Variants in SGIP1 observed in about 807,000 individuals in gnomAD.
SGIP1 encodes the protein SH3GL interacting endocytic adaptor 1, also known as SH3-containing GRB2-like protein 3-interacting protein 1.
In SGIP1, 38 loss-of-function variants were observed where a neutral mutation model predicts 107.5. The ratio of observed to expected loss-of-function variants is 0.35; its 90% CI spans 0.27 to 0.46. The LOEUF is 0.46. Among genes scored for constraint, SGIP1 ranks in the 20% least tolerant of loss-of-function variants. SGIP1 has a pLI of 1.00. For synonymous variants in SGIP1, 365 were observed against 366.1 expected (o/e 1.00, Z 0.03); for missense variants, 929 against 1,019.5 (o/e 0.91, Z 1.21).
intron 7 of SGIP1, among the ~76,000 whole-genome samples, chr1:66,655,362 C>T (rs545019979): frequency 6.6e-5 from 10 of 152,200 alleles, no homozygotes; most frequent in Admixed American, 4.6e-4. Context: ...GGAAGCCTAC[C>T]CTGCCCACCT....
chr1:66,587,158 C>T (rs992315700), intron 1 of SGIP1, among the ~76,000 whole-genome samples: 2 of 152,034 alleles, frequency 1.3e-5, no homozygotes, highest in Non-Finnish European at 2.9e-5. Flanking sequence ...TCAATCACAG[C>T]ATATATCATT....
At chr1:66,700,562 C>T (rs2091752948) in intron 18 of SGIP1, among the ~76,000 whole-genome samples, 1 of 152,010 alleles carries the variant, frequency 6.6e-6, no homozygotes, top group Non-Finnish European at 1.5e-5. Context: ...TTTTAGATGA[C>T]AGCTAATAAT....
Position 66,601,455 on chromosome 1 carries a change from C to T in SGIP1, c.11-24392C>T, listed in dbSNP as rs148278263. ...TTTATAGTGCTTCAGAAAACTTACA[C>T]AGTTTTCTCTGTCCATTATTTTTGT... On this transcript the variant is annotated intron_variant, in intron 1 of 24. Transcript: ENST00000371037. Among the ~76,000 whole-genome samples, 54 of 152,166 alleles carry T rather than the reference C, an allele frequency of 3.5e-4. 2 individuals are homozygous for T. The East Asian group carries it at 9.7e-3, about 27-fold the overall frequency.
Position 66,749,379 on chromosome 1 carries a change from G to T in SGIP1, c.*6284G>T, listed in dbSNP as rs572125087. The stretch of plus-strand genomic sequence containing the variant: ...AAAAACACTTTGGGGAAAGCTAAGA[G>T]CAGTGCACTGTTTAGCACAGATTTT... On this transcript the variant is annotated 3_prime_UTR_variant, in exon 25 of 25. Transcript: ENST00000371037. 6.6e-6 allele frequency among the ~76,000 whole-genome samples: 1 copy of T among 151,412 alleles called. No homozygotes were observed. Among genetic ancestry groups the T allele is most frequent in the Non-Finnish European group, 1.5e-5 (1 of 67,812 alleles).
Position 66,676,857 on chromosome 1 carries a change from G to GGAGC in SGIP1, c.647-146_647-143dup, listed in dbSNP as rs2149919777. 4.8e-6 allele frequency: 3 copies of GGAGC among 626,952 alleles called. No individual in the cohort carries two copies. The African/African-American group carries it at 5.5e-5, about 12-fold the overall frequency. The allele number at this position is 626,952 out of a possible 1,614,324, so 38.8% of individuals were successfully genotyped here. A position where few individuals can be genotyped will look rare whatever the true frequency, so the allele number is the denominator to read the frequency against. ...TCTATTCTCTGCTTGAAAAGAATAA[G>GGAGC]GAGCAGCACATTCCTAAGTTAATTT... On this transcript the variant is annotated intron_variant, in intron 12 of 24. Transcript: ENST00000371037.
At chr1:66,563,767 T>G (rs1016286214) in intron 1 of SGIP1, among the ~76,000 whole-genome samples, 3 of 152,000 alleles carry the variant, frequency 2.0e-5, no homozygotes, top group Non-Finnish European at 4.4e-5. Context: ...TGATCTCCCT[T>G]CTAACCAATG....
intron 1 of SGIP1, among the ~76,000 whole-genome samples, chr1:66,602,412 T>C (rs979542230): frequency 1.1e-4 from 16 of 152,140 alleles, no homozygotes; most frequent in Admixed American, 8.5e-4. Context: ...CCCTGCATGA[T>C]CCACATGTGA....
chr1:66,534,190 A>C lies in SGIP1; in HGVS notation c.-169A>C, dbSNP rs2053024646. 1 of 662,526 alleles carries C rather than the reference A, an allele frequency of 1.5e-6. No homozygotes were observed. The highest frequency in any genetic ancestry group is 1.9e-5 in the South Asian group (1 of 53,848). 41.0% of individuals were successfully genotyped at this position (662,526 alleles called of 1,614,324 possible). ...GCCTGCCTGTAGGTGAAGAAGCACC[A>C]GCAGCATCCATGGCCTGTCTTTTGG... is the stretch of plus-strand genomic sequence containing the variant. On this transcript the variant is annotated 5_prime_UTR_variant, in exon 1 of 25. Coordinates refer to ENST00000371037, the MANE Select transcript of SGIP1 (RefSeq NM_032291.4).
chr1:66,681,934 A>G lies in SGIP1; in HGVS notation c.880A>G (p.Ile294Val). 1 of 1,614,150 alleles carries G rather than the reference A, an allele frequency of 6.2e-7. No homozygotes were observed. The highest frequency in any genetic ancestry group is 1.3e-5 in the African/African-American group (1 of 75,040). ...ACCATCCATCAATGACTTGGACAGCATTTTTGGGCCAGTATTGTCCCCCAA... is the reference window on the plus strand; with the variant it reads ...ACCATCCATCAATGACTTGGACAGCGTTTTTGGGCCAGTATTGTCCCCCAA... Reference protein sequence around the residue: ...KLPSINDLDSIFGPVLSPKSV... With the variant: ...KLPSINDLDSVFGPVLSPKSV... The change falls in exon 15 of 25, where the codon ATT becomes GTT. Residue 294 changes from isoleucine to valine, a missense_variant. This residue lies in a region of SGIP1 where 588 missense variants were observed against 588.6 expected (regional missense o/e 1.00). Coordinates refer to ENST00000371037, the MANE Select transcript of SGIP1 (RefSeq NM_032291.4).
At chr1:66,697,462 T>G (rs947997460) in intron 18 of SGIP1, among the ~76,000 whole-genome samples, 4 of 152,140 alleles carry the variant, frequency 2.6e-5, no homozygotes, top group African/African-American at 9.7e-5. Flanking sequence ...TATCTTAATC[T>G]TGGACTTTGT....
intron 1 of SGIP1, among the ~76,000 whole-genome samples, chr1:66,550,971 G>T (rs574811304): frequency 1.3e-5 from 2 of 152,036 alleles, no homozygotes; most frequent in African/African-American, 4.8e-5. Flanking sequence ...CCATATAGGG[G>T]CAGAACAATG....
intron 1 of SGIP1, among the ~76,000 whole-genome samples, chr1:66,579,835 T>C (rs2061576245): frequency 6.6e-6 from 1 of 152,164 alleles, no homozygotes; most frequent in Non-Finnish European, 1.5e-5. Flanking sequence ...CTCTTCCCCA[T>C]CTTAGTAAAT....
rs758468314 is a variant in SGIP1 at position 66,635,995 on chromosome 1, G to A, written c.151G>A (p.Glu51Lys). 1 of 1,613,596 alleles carries A rather than the reference G, an allele frequency of 6.2e-7. No individual in the cohort carries two copies. Among genetic ancestry groups the A allele is most frequent in the Non-Finnish European group, 8.5e-7 (1 of 1,179,782 alleles). Residue 51 changes from glutamate (E) to lysine (K), a missense_variant, in exon 4 of 25, where the codon GAA becomes AAA. This residue lies in a region of SGIP1 where 588 missense variants were observed against 588.6 expected (regional missense o/e 1.00). Transcript: ENST00000371037. ...CAATAGCAAAGCAGAGTGTGCGCGT[G>A]AAGGAGGAAAAAAAGTTTCGGTAAG... ...PYNSKAECAR[E>K]GGKKVSKKSN...
At chr1:66,714,426 C>G (rs1444535987) in intron 18 of SGIP1, among the ~76,000 whole-genome samples, 1 of 152,084 alleles carries the variant, frequency 6.6e-6, no homozygotes, top group African/African-American at 2.4e-5. Flanking sequence ...ATTGTCTTAC[C>G]TAACCTCTTG....
intron 7 of SGIP1, chr1:66,660,021 AGGAAGGAAG>A (rs1557498605): frequency 3.4e-4 from 42 of 124,148 alleles, no homozygotes; most frequent in Admixed American, 5.3e-4. Context: ...ACAGACAGGA[AGGAAGGAAG>A]GAAGGAAGGA....
intron 1 of SGIP1, among the ~76,000 whole-genome samples, chr1:66,614,008 G>A (rs184224376): frequency 2.0e-4 from 31 of 152,270 alleles, no homozygotes; most frequent in Middle Eastern, 3.4e-3. Flanking sequence ...AAATGCTAGA[G>A]TCATATCCCT....
chr1:66,733,106 A>G (rs2094091515), intron 20 of SGIP1, among the ~76,000 whole-genome samples: 1 of 152,230 alleles, frequency 6.6e-6, no homozygotes, highest in Non-Finnish European at 1.5e-5. Context: ...TTCTTAGCTT[A>G]TAGAGACTCT....
intron 3 of SGIP1, chr1:66,634,287 A>T: frequency 1.4e-6 from 1 of 718,620 alleles, no homozygotes; most frequent in Non-Finnish European, 2.4e-6. Flanking sequence ...CTGCTCCCAG[A>T]CTGGATTGCT....
chr1:66,540,634 G>T (rs1214140280), intron 1 of SGIP1, among the ~76,000 whole-genome samples: 1 of 152,204 alleles, frequency 6.6e-6, no homozygotes, highest in Non-Finnish European at 1.5e-5. Context: ...GTGTACAGTG[G>T]CAATGTCATG....
Sources: gnomAD v4.1 joint callset for allele counts (sites outside exome capture counted in the v4.1 genomes callset) on GRCh38, gnomAD v4.1.1 for gene constraint, gnomAD v4.1.1 regional missense constraint, MANE v1.5 for transcripts, NCBI Gene and HGNC (gene_info 2026-07-23, HGNC 2026-07-21) for gene names.